BACH2: variants seen among roughly 807,000 people sequenced by gnomAD.
BACH2 encodes BACH transcriptional regulator 2, also known as transcription regulator protein BACH2.
Under a neutral mutation model 61.8 loss-of-function variants are expected in BACH2, and 5 were observed. That is an observed-to-expected ratio of 0.08 (90% confidence interval 0.04 to 0.17). BACH2 has a LOEUF of 0.17. Ranked by LOEUF, BACH2 falls within the 10% of genes least tolerant of loss-of-function variation. The probability of loss-of-function intolerance (pLI) is 1.00; values close to 1 mark genes in which losing one functional copy is unlikely to be tolerated. For missense variants in BACH2, 824 were observed against 1,091.1 expected (o/e 0.76, Z 3.45); for synonymous variants, 446 against 440.1 (o/e 1.01, Z -0.17).
chr6:90,039,419 G>A (rs1215345221), intron 5 of BACH2, among the ~76,000 whole-genome samples: 1 of 151,948 alleles, frequency 6.6e-6, no homozygotes, highest in Non-Finnish European at 1.5e-5. Context: ...GAGTCTCACT[G>A]TGTCGCCCAG....
At chr6:90,025,514 G>T (rs1778591986) in intron 5 of BACH2, among the ~76,000 whole-genome samples, 1 of 152,130 alleles carries the variant, frequency 6.6e-6, no homozygotes, top group Non-Finnish European at 1.5e-5. Context: ...TGCCTATTAG[G>T]AGTTAGAGGA....
At chr6:90,147,076 A>G (rs1317624345) in intron 4 of BACH2, among the ~76,000 whole-genome samples, 1 of 152,198 alleles carries the variant, frequency 6.6e-6, no homozygotes, top group Non-Finnish European at 1.5e-5. Flanking sequence ...TACCAAACCC[A>G]GCAAAAAGAG....
At chr6:89,980,144 A>G (rs1775870526) in intron 6 of BACH2, among the ~76,000 whole-genome samples, 1 of 152,098 alleles carries the variant, frequency 6.6e-6, no homozygotes, top group Non-Finnish European at 1.5e-5. Flanking sequence ...AAATACAAAA[A>G]TTAGCTGGGC....
rs1022440925 is a variant in BACH2, at chr6:89,950,090, A to G, written c.1836+180T>C. 4.2e-6 allele frequency: 3 copies of G among 705,982 alleles called. No homozygotes were observed. The African/African-American group carries it at 5.3e-5, about 12-fold the overall frequency. The allele number at this position is 705,982 out of a possible 1,614,324, so 43.7% of individuals were successfully genotyped here. A position where few individuals can be genotyped will look rare whatever the true frequency, so the allele number is the denominator to read the frequency against. ...ATATCAAGTGCTTTTCTAGGACAGA[A>G]GTGGTTAATGTGGAATCACCTTCAG... On this transcript the variant is annotated intron_variant, in intron 7 of 8. Transcript: ENST00000257749. The surrounding 1 kb of genome is among the most constrained non-coding windows in gnomAD (Gnocchi z 5.3).
At position 90,033,469 on chromosome 6, in the gene BACH2, T is replaced by C. The variant is rs146030711; in HGVS notation, c.-12-24613A>G. 9.6e-3 allele frequency among the ~76,000 whole-genome samples: 1,458 copies of C among 152,176 alleles called. 24 individuals are homozygous for C. The highest frequency in any genetic ancestry group is 0.034 in the African/African-American group (1,408 of 41,524). On this transcript the variant is annotated intron_variant, in intron 5 of 8. Transcript: ENST00000257749. ...AGTGGTCTGATGACAAAGTCCTCTT[T>C]AATAACTTATAATTTGGAATTGTAA...
chr6:89,993,523 G>A (rs1449315998), intron 6 of BACH2, among the ~76,000 whole-genome samples: 2 of 152,140 alleles, frequency 1.3e-5, no homozygotes. Context: ...AGTAGTTTGC[G>A]TGAAGTCATT....
intron 3 of BACH2, among the ~76,000 whole-genome samples, chr6:90,237,504 C>A (rs1436098264): frequency 6.6e-6 from 1 of 152,154 alleles, no homozygotes. Context: ...ATGAACCCTG[C>A]CATAATGTTA....
At chr6:90,054,617 A>G (rs188633636) in intron 5 of BACH2, among the ~76,000 whole-genome samples, 37 of 152,332 alleles carry the variant, frequency 2.4e-4, no homozygotes, top group Middle Eastern at 3.4e-3. Context: ...ACAGCTTTGA[A>G]GAGAGTAGTG....
intron 6 of BACH2, among the ~76,000 whole-genome samples, chr6:89,987,002 C>T (rs1403630917): frequency 6.6e-6 from 1 of 152,148 alleles, no homozygotes; most frequent in Non-Finnish European, 1.5e-5. Flanking sequence ...AGAGAAGTGT[C>T]TGGTGATGTG....
intron 6 of BACH2, among the ~76,000 whole-genome samples, chr6:89,964,962 T>A (rs1774967943): frequency 6.6e-6 from 1 of 152,152 alleles, no homozygotes; most frequent in African/African-American, 2.4e-5. Flanking sequence ...CTCGGCTAAC[T>A]GCAGCCTCCG....
At chr6:90,027,666 A>G (rs1322585890) in intron 5 of BACH2, among the ~76,000 whole-genome samples, 1 of 152,116 alleles carries the variant, frequency 6.6e-6, no homozygotes, top group Non-Finnish European at 1.5e-5. Context: ...TTCCATCCTT[A>G]GATAGAGGGG....
chr6:90,183,762 A>C (rs1768251396), intron 4 of BACH2, among the ~76,000 whole-genome samples: 1 of 152,172 alleles, frequency 6.6e-6, no homozygotes, highest in African/African-American at 2.4e-5. Flanking sequence ...GGGTTCTGTT[A>C]GCTGTCAAGG....
intron 4 of BACH2, among the ~76,000 whole-genome samples, chr6:90,103,357 C>A (rs926121787): frequency 6.6e-6 from 1 of 151,952 alleles, no homozygotes; most frequent in African/African-American, 2.4e-5. Context: ...GGAGTAGCAA[C>A]CCTGCTCTCC....
intron 6 of BACH2, among the ~76,000 whole-genome samples, chr6:89,997,152 C>T (rs1339665179): frequency 6.6e-6 from 1 of 152,096 alleles, no homozygotes; most frequent in Non-Finnish European, 1.5e-5. Context: ...AGTTGGGATG[C>T]TATTTCTTCT....
At chr6:90,041,651 T>G (rs1252716904) in intron 5 of BACH2, among the ~76,000 whole-genome samples, 1 of 152,190 alleles carries the variant, frequency 6.6e-6, no homozygotes, top group African/African-American at 2.4e-5. Context: ...AAATTATATT[T>G]TCTTAGACAA....
chr6:90,009,572 A>G (rs547990124), intron 5 of BACH2, among the ~76,000 whole-genome samples: 1 of 152,394 alleles, frequency 6.6e-6, no homozygotes, highest in African/African-American at 2.4e-5. Context: ...AACACAATAT[A>G]TCACAATAGC....
chr6:90,198,011 C>T (rs1039107359), intron 4 of BACH2, among the ~76,000 whole-genome samples: 1 of 152,112 alleles, frequency 6.6e-6, no homozygotes, highest in Admixed American at 6.5e-5. Context: ...AAGAATAGGC[C>T]GAGGCAGACA....
At chr6:90,007,160 C>T (rs1273363893) in intron 6 of BACH2, among the ~76,000 whole-genome samples, 3 of 152,140 alleles carry the variant, frequency 2.0e-5, no homozygotes, top group South Asian at 4.1e-4. Flanking sequence ...CTGCAACCTC[C>T]GCCTCCCAGG....
intron 3 of BACH2, among the ~76,000 whole-genome samples, chr6:90,220,727 G>T (rs1328481817): frequency 2.6e-5 from 4 of 152,060 alleles, no homozygotes; most frequent in Non-Finnish European, 5.9e-5. Context: ...TGCTGTTTGA[G>T]GTCTCAAAAC....
Sources: gnomAD v4.1 joint callset for allele counts (sites outside exome capture counted in the v4.1 genomes callset) on GRCh38, gnomAD v4.1.1 for gene constraint, Gnocchi (gnomAD v3.1) non-coding constraint, MANE v1.5 for transcripts, NCBI Gene and HGNC (gene_info 2026-07-23, HGNC 2026-07-21) for gene names.